Variants in ZNF138 observed in about 807,000 individuals in gnomAD.
The protein encoded by ZNF138 is zinc finger protein 138.
ZNF138 carries 33 observed loss-of-function variants against 33.0 expected under a neutral mutation model. The observed-to-expected ratio is 1.00, with a 90% confidence interval of 0.76 to 1.34. ZNF138 has a LOEUF of 1.34. Among genes scored for constraint, ZNF138 ranks in the 40% most tolerant of loss-of-function variants. The pLI is 0.00. For missense variants in ZNF138, 360 were observed against 370.8 expected (o/e 0.97, Z 0.24); for synonymous variants, 139 against 120.4 (o/e 1.15, Z -1.01).
intron 1 of ZNF138, among the ~76,000 whole-genome samples, chr7:64,807,728 G>T (rs1334508091): frequency 1.3e-5 from 2 of 152,218 alleles, no homozygotes; most frequent in African/African-American, 2.4e-5. Flanking sequence ...ACATCTTAAA[G>T]CCCCGCTTTG....
At chr7:64,827,582 G>A (rs1789744405) in intron 3 of ZNF138, among the ~76,000 whole-genome samples, 1 of 152,046 alleles carries the variant, frequency 6.6e-6, no homozygotes, top group Admixed American at 6.6e-5. Context: ...TTTTATCTTG[G>A]AGAGTCTTTA....
In ZNF138 at chr7:64,832,276, A is replaced by T. The variant is rs1018000331; in HGVS notation, c.*74A>T. 11 of 1,597,966 alleles carry T rather than the reference A, an allele frequency of 6.9e-6. No individual in the cohort carries two copies. In the Admixed American group the frequency reaches 1.9e-4, roughly 28 times the overall value. Reference sequence around the variant, plus strand: ...TGTGAAGAATGTGGCAAAGCCTTTAACCAGTTTTCAACCCTTATTACACAT... The same window carrying T: ...TGTGAAGAATGTGGCAAAGCCTTTATCCAGTTTTCAACCCTTATTACACAT... On this transcript the variant is annotated 3_prime_UTR_variant, in exon 4 of 4. Coordinates refer to ENST00000307355, the MANE Select transcript of ZNF138 (RefSeq NM_001271639.2).
At chr7:64,820,968 A>T (rs1034953587) in intron 3 of ZNF138, among the ~76,000 whole-genome samples, 1 of 150,900 alleles carries the variant, frequency 6.6e-6, no homozygotes, top group Non-Finnish European at 1.5e-5. Flanking sequence ...TTTTTATTGC[A>T]TTATCAACAG....
chr7:64,829,407 C>A (rs775070816), intron 3 of ZNF138, among the ~76,000 whole-genome samples: 48 of 149,854 alleles, frequency 3.2e-4, no homozygotes, highest in Non-Finnish European at 5.6e-4. Context: ...ACACACACAC[C>A]ACACACACAC....
At chr7:64,824,927 T>G (rs1227072977) in intron 3 of ZNF138, among the ~76,000 whole-genome samples, 1 of 151,900 alleles carries the variant, frequency 6.6e-6, no homozygotes, top group African/African-American at 2.4e-5. Context: ...ATGCAACCTC[T>G]GTCTCCTGGG....
chr7:64,840,390 A>T, the ZNF138 span, among the ~76,000 whole-genome samples: 1 of 152,142 alleles, frequency 6.6e-6, no homozygotes, highest in South Asian at 2.1e-4. Context: ...ATTAATGAAT[A>T]TCGTTCCCGT....
intron 1 of ZNF138, 90 bp downstream of exon 1, chr7:64,794,661 C>A: frequency 6.3e-7 from 1 of 1,586,064 alleles, no homozygotes; most frequent in Non-Finnish European, 8.6e-7. Flanking sequence ...CGGGTCTTCC[C>A]GCAGTCGGCT....
intron 3 of ZNF138, among the ~76,000 whole-genome samples, chr7:64,820,591 A>G (rs1789048769): frequency 6.6e-6 from 1 of 151,416 alleles, no homozygotes; most frequent in African/African-American, 2.5e-5. Context: ...TGAGATGGAG[A>G]CTGGTTCTGT....
At chr7:64,802,582 G>A (rs868134295) in intron 1 of ZNF138, among the ~76,000 whole-genome samples, 1 of 151,866 alleles carries the variant, frequency 6.6e-6, no homozygotes, top group Non-Finnish European at 1.5e-5. Context: ...AGTAAGTCAC[G>A]ATCTATAGGG....
the ZNF138 span, among the ~76,000 whole-genome samples, chr7:64,839,680 G>A: frequency 6.6e-6 from 1 of 152,106 alleles, no homozygotes; most frequent in East Asian, 1.9e-4. Context: ...GCAAGTAACC[G>A]GACGAAATGG....
chr7:64,834,780 G>GT (rs1176629469), downstream of ZNF138, among the ~76,000 whole-genome samples: 4 of 152,122 alleles, frequency 2.6e-5, no homozygotes, highest in African/African-American at 9.7e-5. Context: ...GATGTATGAG[G>GT]TAAGTGTTCA....
At chr7:64,820,853 T>C (rs1297232788) in intron 3 of ZNF138, among the ~76,000 whole-genome samples, 1 of 151,442 alleles carries the variant, frequency 6.6e-6, no homozygotes, top group Admixed American at 6.6e-5. Context: ...CGTGAGCCAC[T>C]GCACCCAGCC....
Position 64,814,128 on chromosome 7 carries a change from CA to C in ZNF138, c.4-785del. The C allele has an allele frequency of 1.9e-5, 23 of 1,203,562 alleles. No homozygotes were observed. The Admixed American group carries it at 2.2e-4, about 11-fold the overall frequency. 74.6% of individuals were successfully genotyped at this position (1,203,562 alleles called of 1,614,324 possible). Reference sequence around the variant, plus strand: ...ATTTAACAAGATATTCTTCTTGAGCCAAAAACATTGACATTAGCGGTGAGCT... The same window carrying C: ...ATTTAACAAGATATTCTTCTTGAGCCAAAACATTGACATTAGCGGTGAGCT... On this transcript the variant is annotated intron_variant, in intron 1 of 3. Transcript: ENST00000307355.
the ZNF138 span, among the ~76,000 whole-genome samples, chr7:64,853,712 ACATAT>A: frequency 9.9e-5 from 15 of 151,936 alleles, no homozygotes; most frequent in East Asian, 2.5e-3. Flanking sequence ...TTCAGCATAT[ACATAT>A]CATATTAATC....
At chr7:64,818,690 T>C (rs879690325) in intron 3 of ZNF138, among the ~76,000 whole-genome samples, 4 of 137,078 alleles carry the variant, frequency 2.9e-5, no homozygotes, top group Admixed American at 7.3e-5. Flanking sequence ...GCAGAGGTTG[T>C]GGTGAGCCGA....
In ZNF138 at chr7:64,821,878, A is replaced by T. The variant is rs746557911; in HGVS notation, c.208+6225A>T. ...TTTTAAGAGTTGTTTATGTATTCTG[A>T]ATATAACTCCTATCACATGTGATTT... On this transcript the variant is annotated intron_variant, in intron 3 of 3. Coordinates refer to ENST00000307355, the MANE Select transcript of ZNF138 (RefSeq NM_001271639.2). Among the ~76,000 whole-genome samples, 7 of 148,998 alleles carry T rather than the reference A, an allele frequency of 4.7e-5. No homozygotes were observed. In the South Asian group the frequency reaches 1.1e-3, roughly 22 times the overall value.
the ZNF138 span, among the ~76,000 whole-genome samples, chr7:64,848,776 C>T: frequency 1.5e-4 from 21 of 144,136 alleles, 1 homozygote; most frequent in East Asian, 8.6e-4. Context: ...ATGATCTCTG[C>T]GCACTGCAGG....
intron 1 of ZNF138, among the ~76,000 whole-genome samples, chr7:64,798,617 C>A (rs1423784970): frequency 6.6e-6 from 1 of 151,744 alleles, no homozygotes. Context: ...CATGGAGAAA[C>A]CCTACAAAAA....
chr7:64,806,925 G>A (rs1234988892), intron 1 of ZNF138, among the ~76,000 whole-genome samples: 5 of 152,184 alleles, frequency 3.3e-5, no homozygotes, highest in Non-Finnish European at 7.3e-5. Flanking sequence ...CAAAATCTCT[G>A]CAGCACTGTG....
Sources: gnomAD v4.1 joint callset for allele counts (sites outside exome capture counted in the v4.1 genomes callset) on GRCh38, gnomAD v4.1.1 for gene constraint, MANE v1.5 for transcripts, NCBI Gene and HGNC (gene_info 2026-07-23, HGNC 2026-07-21) for gene names.